Variants in DTNA observed in about 807,000 individuals in gnomAD.
The protein encoded by DTNA is dystrophin-related protein 3.
In DTNA, 43 loss-of-function variants were observed where a neutral mutation model predicts 100.7. The observed-to-expected ratio is 0.43, with a 90% CI of 0.33 to 0.55. The LOEUF (loss-of-function observed/expected upper bound fraction) is 0.55. Ranked by LOEUF, DTNA falls within the 20% of genes least tolerant of loss-of-function variation. The pLI is 0.04. For missense variants in DTNA, 798 were observed against 953.9 expected (o/e 0.84, Z 2.15); for synonymous variants, 349 against 347.9 (o/e 1.00, Z -0.04).
chr18:34,537,482 A>T (rs545509863), intron 1 of DTNA, among the ~76,000 whole-genome samples: 7 of 151,992 alleles, frequency 4.6e-5, no homozygotes, highest in Non-Finnish European at 8.8e-5. Context: ...TTAAAATACA[A>T]TGCTGATTAA....
intron 1 of DTNA, among the ~76,000 whole-genome samples, chr18:34,742,417 G>A (rs1053616542): frequency 6.6e-6 from 1 of 152,062 alleles, no homozygotes; most frequent in African/African-American, 2.4e-5. Context: ...GAGGCCACAT[G>A]CATTTCTCGG....
chr18:34,513,307 T>C (rs1485067137), intron 1 of DTNA, among the ~76,000 whole-genome samples: 1 of 152,138 alleles, frequency 6.6e-6, no homozygotes, highest in Non-Finnish European at 1.5e-5. Flanking sequence ...AAACTTGACA[T>C]AGAATAGTTG....
At chr18:34,684,978 C>G (rs2078671457) in intron 1 of DTNA, among the ~76,000 whole-genome samples, 1 of 152,166 alleles carries the variant, frequency 6.6e-6, no homozygotes, top group South Asian at 2.1e-4. Context: ...ATCACTTGCC[C>G]ACTTTTTGAT....
chr18:34,718,405 C>A (rs778966904), intron 1 of DTNA, among the ~76,000 whole-genome samples: 1 of 152,106 alleles, frequency 6.6e-6, no homozygotes, highest in South Asian at 2.1e-4. Context: ...AATTAGGCAT[C>A]GTTTAGAAAG....
At chr18:34,817,484 G>T (rs1382966504) in intron 7 of DTNA, among the ~76,000 whole-genome samples, 1 of 151,818 alleles carries the variant, frequency 6.6e-6, no homozygotes, top group Non-Finnish European at 1.5e-5. Context: ...TCCTACCAAA[G>T]AAAGTTAACC....
chr18:34,646,438 T>C (rs2059844017), intron 1 of DTNA, among the ~76,000 whole-genome samples: 1 of 152,208 alleles, frequency 6.6e-6, no homozygotes, highest in Non-Finnish European at 1.5e-5. Flanking sequence ...GTGCTGATTA[T>C]ATTTAATGTC....
At chr18:34,849,010 C>A (rs2096432637) in intron 14 of DTNA, among the ~76,000 whole-genome samples, 1 of 152,144 alleles carries the variant, frequency 6.6e-6, no homozygotes, top group African/African-American at 2.4e-5. Context: ...ACCTAATGAT[C>A]CCAGATGGGA....
At chr18:34,563,615 G>C (rs1382478063) in intron 1 of DTNA, among the ~76,000 whole-genome samples, 1 of 152,122 alleles carries the variant, frequency 6.6e-6, no homozygotes, top group Admixed American at 6.5e-5. Context: ...CACCTCATCA[G>C]TTCCTCCTTC....
intron 15 of DTNA, among the ~76,000 whole-genome samples, chr18:34,854,693 T>C (rs2096532204): frequency 6.6e-6 from 1 of 152,162 alleles, no homozygotes; most frequent in Non-Finnish European, 1.5e-5. Flanking sequence ...CTTAGTCCCT[T>C]TTCTCTAAGA....
chr18:34,661,098 G>T (rs1456562317), intron 1 of DTNA, among the ~76,000 whole-genome samples: 1 of 152,074 alleles, frequency 6.6e-6, no homozygotes, highest in South Asian at 2.1e-4. Context: ...TATTAGCTCT[G>T]TATTACTAAC....
At chr18:34,647,252 A>G (rs532349482) in intron 1 of DTNA, among the ~76,000 whole-genome samples, 10 of 152,238 alleles carry the variant, frequency 6.6e-5, no homozygotes, top group Non-Finnish European at 1.2e-4. Flanking sequence ...AAATCCTGAA[A>G]TGTCTCCACC....
chr18:34,834,275 C>G (rs750070170), intron 11 of DTNA, among the ~76,000 whole-genome samples: 2 of 151,756 alleles, frequency 1.3e-5, no homozygotes, highest in Non-Finnish European at 2.9e-5. Context: ...GCAGGTAGAT[C>G]GCCTGAGGTC....
At chr18:34,582,495 C>A (rs565498546) in intron 1 of DTNA, among the ~76,000 whole-genome samples, 1 of 152,120 alleles carries the variant, frequency 6.6e-6, no homozygotes, top group Non-Finnish European at 1.5e-5. Flanking sequence ...GGCCCTCTAA[C>A]GAGTGAGGCC....
At chr18:34,711,446 C>T (rs16965786) in intron 1 of DTNA, among the ~76,000 whole-genome samples, 17,980 of 152,204 alleles carry the variant, frequency 0.12, 1,585 homozygotes, top group African/African-American at 0.24. Flanking sequence ...TAGAACAAAG[C>T]TGTCTTAGCA....
intron 1 of DTNA, among the ~76,000 whole-genome samples, chr18:34,519,480 ATTTCATCATC>A (rs1171651151): frequency 6.6e-6 from 1 of 152,106 alleles, no homozygotes; most frequent in East Asian, 1.9e-4. Flanking sequence ...CTGAGCCACA[ATTTCATCATC>A]TGTGAAATGG....
intron 15 of DTNA, 33 bp downstream of exon 15, chr18:34,851,961 T>A (rs2096485560): frequency 6.2e-7 from 1 of 1,602,440 alleles, no homozygotes; most frequent in African/African-American, 1.3e-5. Context: ...GCTTGTTTGA[T>A]CAATGTGCGC....
chr18:34,524,614 AT>A (rs2042437673), intron 1 of DTNA, among the ~76,000 whole-genome samples: 2 of 152,196 alleles, frequency 1.3e-5, no homozygotes, highest in South Asian at 4.1e-4. Context: ...AGTAATTGAT[AT>A]CCATTACTGG....
Position 34,733,929 on chromosome 18 carries a change from A to G in DTNA, c.-1-22047A>G, listed in dbSNP as rs73418371. On this transcript the variant is annotated intron_variant, in intron 1 of 22. Transcript: ENST00000444659. ...AACATTAAAGGCAGAGTTTCTACTT[A>G]GTGGGACCAAATTAATAAATTCAGC... Among the ~76,000 whole-genome samples the G allele has an allele frequency of 2.8e-3, 425 of 152,350 alleles. 2 individuals carry two copies. The highest frequency in any genetic ancestry group is 9.3e-3 in the African/African-American group (387 of 41,584).
At chr18:34,798,008 A>T in intron 4 of DTNA, among the ~76,000 whole-genome samples, 1 of 151,608 alleles carries the variant, frequency 6.6e-6, no homozygotes, top group Non-Finnish European at 1.5e-5. Flanking sequence ...TCTTTTAACT[A>T]TTTTTTTTTA....
Sources: allele counts gnomAD v4.1 joint callset (sites outside exome capture counted in the v4.1 genomes callset), GRCh38; gene constraint gnomAD v4.1.1; transcripts MANE v1.5; gene names NCBI Gene and HGNC (gene_info 2026-07-23, HGNC 2026-07-21).